The following RBFOX1 variants were observed in gnomAD, a reference collection of about 807,000 sequenced individuals.
RBFOX1 encodes RNA binding fox-1 homolog 1, also known as RNA binding protein fox-1 homolog 1.
Under a neutral mutation model 57.7 loss-of-function variants are expected in RBFOX1, and 8 were observed. That is an observed-to-expected ratio of 0.14 (90% confidence interval 0.08 to 0.25). The LOEUF (loss-of-function observed/expected upper bound fraction) is 0.25, where lower values mean the gene tolerates loss of function less well. Among genes scored for constraint, RBFOX1 ranks in the 10% least tolerant of loss-of-function variants. RBFOX1 has a pLI of 1.00. For missense variants in RBFOX1, 611 were observed against 548.5 expected (o/e 1.11, Z -1.14); for synonymous variants, 326 against 222.4 (o/e 1.47, Z -4.15).
chr16:5,827,888 T>TCCAC (rs2056123453), intron 3 of RBFOX1, among the ~76,000 whole-genome samples: 1 of 148,816 alleles, frequency 6.7e-6, no homozygotes, highest in African/African-American at 2.5e-5. Flanking sequence ...CATCCATCCA[T>TCCAC]CCATCCATCC....
chr16:6,638,667 A>T (rs1317576722), intron 2 of RBFOX1, among the ~76,000 whole-genome samples: 12 of 152,206 alleles, frequency 7.9e-5, no homozygotes, highest in Admixed American at 2.6e-4. Flanking sequence ...CTTTAATGCC[A>T]AATATTACAC....
intron 2 of RBFOX1, among the ~76,000 whole-genome samples, chr16:6,365,511 G>C (rs957660246): frequency 1.3e-5 from 2 of 152,156 alleles, no homozygotes; most frequent in African/African-American, 2.4e-5. Flanking sequence ...ATACATACAT[G>C]TAATACATTT....
intron 4 of RBFOX1, among the ~76,000 whole-genome samples, chr16:7,260,063 T>A (rs2094856880): frequency 6.6e-6 from 1 of 152,216 alleles, no homozygotes; most frequent in Non-Finnish European, 1.5e-5. Context: ...GACTGTCTAT[T>A]CACTGTTTTG....
intron 4 of RBFOX1, among the ~76,000 whole-genome samples, chr16:7,292,474 T>C (rs1213340157): frequency 6.9e-6 from 1 of 144,208 alleles, no homozygotes; most frequent in African/African-American, 2.5e-5. Context: ...TAATATATAA[T>C]GTATTATATA....
intron 2 of RBFOX1, among the ~76,000 whole-genome samples, chr16:5,471,009 G>A (rs1032648527): frequency 3.3e-5 from 5 of 152,032 alleles, no homozygotes; most frequent in Admixed American, 6.5e-5. Context: ...CTGCCACCAC[G>A]CCTGGCTAAT....
intron 1 of RBFOX1, among the ~76,000 whole-genome samples, chr16:6,229,884 C>A (rs963602806): frequency 1.3e-5 from 2 of 151,834 alleles, no homozygotes; most frequent in East Asian, 1.9e-4. Context: ...TGTAGCATAT[C>A]GCATGTCTTA....
chr16:5,703,662 A>C (rs1429191713), intron 3 of RBFOX1, among the ~76,000 whole-genome samples: 4 of 151,900 alleles, frequency 2.6e-5, no homozygotes, highest in African/African-American at 9.7e-5. Flanking sequence ...AGGTTACTTA[A>C]CTCTCTGAGC....
intron 2 of RBFOX1, among the ~76,000 whole-genome samples, chr16:5,516,051 G>T (rs186715985): frequency 2.1e-4 from 32 of 152,306 alleles, no homozygotes; most frequent in African/African-American, 7.5e-4. Flanking sequence ...AAGGTAGCTA[G>T]TCTTAGTACA....
intron 3 of RBFOX1, among the ~76,000 whole-genome samples, chr16:6,940,661 G>C (rs1053972485): frequency 6.6e-6 from 1 of 152,002 alleles, no homozygotes; most frequent in Admixed American, 6.5e-5. Flanking sequence ...GGAGCGACGC[G>C]ATCTCAGCTC....
At chr16:7,199,050 G>A (rs778038030) in intron 4 of RBFOX1, among the ~76,000 whole-genome samples, 6 of 152,142 alleles carry the variant, frequency 3.9e-5, no homozygotes, top group Non-Finnish European at 7.4e-5. Flanking sequence ...AAGGGACAAG[G>A]GAAGTAAGAA....
chr16:6,611,251 A>G (rs1018566773), intron 2 of RBFOX1, among the ~76,000 whole-genome samples: 3 of 152,102 alleles, frequency 2.0e-5, no homozygotes, highest in Non-Finnish European at 2.9e-5. Context: ...GGTTCAAGCA[A>G]TTCTCCTGCC....
At chr16:6,973,885 G>A (rs184790778) in intron 3 of RBFOX1, among the ~76,000 whole-genome samples, 5 of 152,100 alleles carry the variant, frequency 3.3e-5, no homozygotes, top group Admixed American at 2.0e-4. Context: ...TGTCATCAAC[G>A]TATTAAGCCC....
chr16:5,655,075 C>T (rs865898935), intron 3 of RBFOX1, among the ~76,000 whole-genome samples: 4 of 152,312 alleles, frequency 2.6e-5, no homozygotes, highest in Non-Finnish European at 4.4e-5. Flanking sequence ...TCTGTCTCCA[C>T]ACTTAGGAGA....
intron 4 of RBFOX1, among the ~76,000 whole-genome samples, chr16:7,062,033 C>G (rs138459611): frequency 2.6e-5 from 4 of 152,014 alleles, no homozygotes; most frequent in Non-Finnish European, 4.4e-5. Flanking sequence ...AAAATGGCAA[C>G]GAGGCCGGGT....
chr16:7,454,690 G>A (rs2058122648), intron 4 of RBFOX1, among the ~76,000 whole-genome samples: 1 of 150,184 alleles, frequency 6.7e-6, no homozygotes, highest in Admixed American at 6.6e-5. Flanking sequence ...GAATATGGTG[G>A]AGGAATGAGT....
rs1555593137 is a variant in RBFOX1, at chr16:7,221,344, A to ATTATTTATTTCT, written c.27+169256_27+169257insCTTTATTTATTT. 2.6e-5 allele frequency among the ~76,000 whole-genome samples: 3 copies of ATTATTTATTTCT among 114,632 alleles called. No individual in the cohort carries two copies. In the East Asian group the frequency reaches 1.1e-3, roughly 41 times the overall value. The allele number at this position is 114,632 out of a possible 152,430, so 75.2% of individuals were successfully genotyped here. On this transcript the variant is annotated intron_variant, in intron 4 of 15. Transcript: ENST00000550418. ...CTTGTTTATTCTTTATTTTTATTTG[A>ATTATTTATTTCT]TTATTTATTTATTTATTTATTTTTT...
At chr16:6,691,751 A>G (rs2060243162) in intron 3 of RBFOX1, among the ~76,000 whole-genome samples, 1 of 152,202 alleles carries the variant, frequency 6.6e-6, no homozygotes, top group Non-Finnish European at 1.5e-5. Context: ...AATTTTGCAG[A>G]TATGATTAAG....
chr16:7,158,277 C>T (rs1363724802), intron 4 of RBFOX1, among the ~76,000 whole-genome samples: 2 of 151,984 alleles, frequency 1.3e-5, no homozygotes, highest in South Asian at 2.1e-4. Context: ...AACTGGAAGG[C>T]GGAGGTTGCA....
intron 3 of RBFOX1, among the ~76,000 whole-genome samples, chr16:6,977,939 A>AAAAAAAAAAAG (rs1289788606): frequency 2.7e-5 from 3 of 110,758 alleles, no homozygotes; most frequent in African/African-American, 7.7e-5. Flanking sequence ...TCCCCAGGGA[A>AAAAAAAAAAAG]AAAAAAAAAA....
Sources: allele counts gnomAD v4.1 joint callset (sites outside exome capture counted in the v4.1 genomes callset), GRCh38; gene constraint gnomAD v4.1.1; transcripts MANE v1.5; gene names NCBI Gene and HGNC (gene_info 2026-07-23, HGNC 2026-07-21).